The following STX11 variants were observed in gnomAD, a reference collection of about 807,000 sequenced individuals.
STX11 encodes syntaxin 11.
Under a neutral mutation model 19.9 loss-of-function variants are expected in STX11, and 21 were observed. The ratio of observed to expected loss-of-function variants is 1.06; its 90% CI spans 0.75 to 1.52. The LOEUF (loss-of-function observed/expected upper bound fraction) is 1.52. Among genes scored for constraint, STX11 ranks in the 40% most tolerant of loss-of-function variants. The probability of loss-of-function intolerance (pLI) is 0.00; values close to 1 mark genes in which losing one functional copy is unlikely to be tolerated. For synonymous variants in STX11, 193 were observed against 174.4 expected (o/e 1.11, Z -0.84); for missense variants, 438 against 405.9 (o/e 1.08, Z -0.68).
At chr6:144,146,864 A>C (rs1800882970), upstream of STX11, among the ~76,000 whole-genome samples, 1 of 152,174 alleles carries the variant, frequency 6.6e-6, no homozygotes, top group South Asian at 2.1e-4. This position sits in a 1 kb window ranked among gnomAD's most constrained non-coding sequence, Gnocchi z 4.4. Context: ...TATCATTTGA[A>C]TCCATGAGGA....
At chr6:144,171,198 G>A (rs376856298) in intron 1 of STX11, among the ~76,000 whole-genome samples, 6 of 152,118 alleles carry the variant, frequency 3.9e-5, no homozygotes, top group East Asian at 3.8e-4. Context: ...CCTCCTATAC[G>A]TCCCTGAGTA....
chr6:144,157,695 T>A (rs1801209471), intron 1 of STX11, among the ~76,000 whole-genome samples: 1 of 151,946 alleles, frequency 6.6e-6, no homozygotes, highest in Non-Finnish European at 1.5e-5. Flanking sequence ...AGTAGTGGTG[T>A]TTAACAAAGA....
rs931692790 is a variant in STX11 at position 144,177,689 on chromosome 6, G to T, written c.-5-8934G>T. Among the ~76,000 whole-genome samples the T allele has an allele frequency of 2.0e-5, 3 of 152,190 alleles. No individual in the cohort carries two copies. The highest frequency in any genetic ancestry group is 2.9e-5 in the Non-Finnish European group (2 of 68,036). ...TGCTTGAACCCGGGAGGCAAAGGTTGCGGTGAGCCAAGATTGCACCACTGC... is the reference window on the plus strand; with the variant it reads ...TGCTTGAACCCGGGAGGCAAAGGTTTCGGTGAGCCAAGATTGCACCACTGC... On this transcript the variant is annotated intron_variant, in intron 1 of 1. Transcript: ENST00000367568. This position sits in a 1 kb window ranked among gnomAD's most constrained non-coding sequence, Gnocchi z 4.4.
At chr6:144,161,596 G>A (rs1307161821) in intron 1 of STX11, among the ~76,000 whole-genome samples, 2 of 152,126 alleles carry the variant, frequency 1.3e-5, no homozygotes, top group Non-Finnish European at 2.9e-5. Context: ...TCAAACTCCT[G>A]ACCTCAGGTG....
At chr6:144,161,931 G>T (rs1240570687) in intron 1 of STX11, among the ~76,000 whole-genome samples, 2 of 151,924 alleles carry the variant, frequency 1.3e-5, no homozygotes, top group Non-Finnish European at 2.9e-5. Flanking sequence ...TATAGAAAAA[G>T]ATCTTCTATT....
intron 1 of STX11, among the ~76,000 whole-genome samples, 164 bp downstream of exon 1, chr6:144,150,867 T>C (rs1172427488): frequency 1.3e-5 from 2 of 152,174 alleles, no homozygotes; most frequent in African/African-American, 4.8e-5. Flanking sequence ...TCACGCCGCC[T>C]CTGGGCACCT....
rs375397736 is a variant in STX11 at position 144,187,528 on chromosome 6, A to G, written c.*37A>G. ...GGGCCGCCACCGCCCATCCCAGACC[A>G]TGGAGCGCGCTGGGAAGGACGCACC... is the stretch of plus-strand genomic sequence containing the variant. On this transcript the variant is annotated 3_prime_UTR_variant, in exon 2 of 2. Coordinates refer to ENST00000367568, the MANE Select transcript of STX11 (RefSeq NM_003764.4). This position sits in a 1 kb window ranked among gnomAD's most constrained non-coding sequence, Gnocchi z 5.6. 4.0e-5 allele frequency: 64 copies of G among 1,609,592 alleles called. No homozygotes were observed. The highest frequency in any genetic ancestry group is 2.2e-4 in the East Asian group (10 of 44,786).
intron 1 of STX11, among the ~76,000 whole-genome samples, chr6:144,161,434 C>G (rs530868876): frequency 4.4e-4 from 67 of 152,254 alleles, no homozygotes; most frequent in Middle Eastern, 3.4e-3. Context: ...GTGGCATGAT[C>G]TCAGCTCACT....
At position 144,188,384 on chromosome 6, in the gene STX11, G is replaced by A. The variant is rs1029852669; in HGVS notation, c.*893G>A. ...AAGACGAACACTTTTCTGGCTCTTG[G>A]TATTGGTTTGCTTGTTTTGAGTTTG... On this transcript the variant is annotated 3_prime_UTR_variant, in exon 2 of 2. Transcript: ENST00000367568. The A allele has an allele frequency of 8.8e-5, 20 of 227,694 alleles. No homozygotes were observed. The highest frequency in any genetic ancestry group is 2.8e-5 in the Non-Finnish European group (3 of 105,778). 14.1% of individuals were successfully genotyped at this position (227,694 alleles called of 1,614,324 possible).
chr6:144,187,133 G>A lies in STX11; in HGVS notation c.506G>A (p.Gly169Asp). The A allele has an allele frequency of 6.2e-7, 1 of 1,614,008 alleles. No homozygotes were observed. Among genetic ancestry groups the A allele is most frequent in the Non-Finnish European group, 8.5e-7 (1 of 1,180,014 alleles). Residue 169 changes from glycine (G) to aspartate (D), a missense_variant, in exon 2 of 2, where the codon GGC (glycine) becomes GAC (aspartate). By Grantham distance (94) the Gly-to-Asp change is moderately conservative (BLOSUM62 -1). Transcript: ENST00000367568. This position sits in a 1 kb window ranked among gnomAD's most constrained non-coding sequence, Gnocchi z 5.6. ...ATCCAGCGCCAGCTGGAGATCATGGGCAAGGAAGTCTCGGGCGACCAGATC... is the reference window on the plus strand; with the variant it reads ...ATCCAGCGCCAGCTGGAGATCATGGACAAGGAAGTCTCGGGCGACCAGATC... ...IRIQRQLEIM[G>D]KEVSGDQIED... is the part of the protein sequence containing the mutation.
At chr6:144,148,393 C>A (rs190337821), upstream of STX11, among the ~76,000 whole-genome samples, 1 of 152,322 alleles carries the variant, frequency 6.6e-6, no homozygotes, top group African/African-American at 2.4e-5. Context: ...TCTTAGATGG[C>A]TTTGCAATAT....
At chr6:144,156,707 TTGAGA>T (rs1801178814) in intron 1 of STX11, among the ~76,000 whole-genome samples, 1 of 152,222 alleles carries the variant, frequency 6.6e-6, no homozygotes, top group African/African-American at 2.4e-5. Flanking sequence ...ATCTGTTGAT[TTGAGA>T]TAAGTAGGAC....
upstream of STX11, among the ~76,000 whole-genome samples, chr6:144,150,005 T>C (rs1183505574): frequency 1.2e-4 from 18 of 152,146 alleles, no homozygotes; most frequent in Admixed American, 1.2e-3. Flanking sequence ...TGAGGCCGAC[T>C]GGAGAGAGGT....
rs972601370 is a variant in STX11 at position 144,183,643 on chromosome 6, A to C, written c.-5-2980A>C. Among the ~76,000 whole-genome samples, 2 of 152,236 alleles carry C rather than the reference A, an allele frequency of 1.3e-5. No homozygotes were observed. Among genetic ancestry groups the C allele is most frequent in the Admixed American group, 6.5e-5 (1 of 15,286 alleles). On this transcript the variant is annotated intron_variant, in intron 1 of 1. Coordinates refer to ENST00000367568, the MANE Select transcript of STX11 (RefSeq NM_003764.4). This position sits in a 1 kb window ranked among gnomAD's most constrained non-coding sequence, Gnocchi z 4.6. The stretch of plus-strand genomic sequence containing the variant: ...TAGACTTTTTTTTAATCTAGAAAAA[A>C]AATTTAATGTACTTGCTTAGTTCAG...
the STX11 span, among the ~76,000 whole-genome samples, chr6:144,143,662 G>T: frequency 1.3e-5 from 2 of 152,118 alleles, no homozygotes; most frequent in African/African-American, 4.8e-5. Flanking sequence ...AAAGCTATGG[G>T]GCACAGGCAG....
At chr6:144,186,054 CTTTTTT>C (rs59082171) in intron 1 of STX11, among the ~76,000 whole-genome samples, 4 of 138,290 alleles carry the variant, frequency 2.9e-5, no homozygotes, top group East Asian at 2.1e-4. Context: ...CTTCTTTTTT[CTTTTTT>C]TTTTTTTCTG....
intron 1 of STX11, among the ~76,000 whole-genome samples, chr6:144,181,227 T>G (rs1483132631): frequency 1.3e-5 from 2 of 152,068 alleles, no homozygotes; most frequent in Non-Finnish European, 2.9e-5. Context: ...TCTATCAGGT[T>G]TTTGCTCATC....
chr6:144,145,482 CAA>C, the STX11 span, among the ~76,000 whole-genome samples: 21 of 152,174 alleles, frequency 1.4e-4, no homozygotes, highest in Admixed American at 5.9e-4. Context: ...TTACAATAGC[CAA>C]GATATAGAAT....
At chr6:144,157,382 G>C (rs767003408) in intron 1 of STX11, among the ~76,000 whole-genome samples, 18 of 152,156 alleles carry the variant, frequency 1.2e-4, no homozygotes, top group Non-Finnish European at 2.2e-4. Flanking sequence ...CTGGAACTGG[G>C]AGCCTTCAGC....
Sources: allele counts gnomAD v4.1 joint callset (sites outside exome capture counted in the v4.1 genomes callset), GRCh38; gene constraint gnomAD v4.1.1; non-coding constraint Gnocchi (gnomAD v3.1); transcripts MANE v1.5; gene names NCBI Gene and HGNC (gene_info 2026-07-23, HGNC 2026-07-21).